The following DGKI variants were observed in gnomAD, a reference collection of about 807,000 sequenced individuals.
DGKI encodes diacylglycerol kinase iota.
DGKI carries 55 observed loss-of-function variants against 147.5 expected under a neutral mutation model. That is an observed-to-expected ratio of 0.37 (90% confidence interval 0.30 to 0.47). DGKI has a LOEUF of 0.47. DGKI is among the 20% of genes least tolerant of loss of function. The pLI, the probability that DGKI is intolerant of heterozygous loss-of-function variation, is 1.00. For missense variants in DGKI, 1,007 were observed against 1,323.8 expected, an observed-to-expected ratio of 0.76 and a Z score of 3.71; for synonymous variants, 469 against 477.1, an observed-to-expected ratio of 0.98 and a Z score of 0.22.
At chr7:137,550,874 T>C (rs1212472432) in intron 20 of DGKI, among the ~76,000 whole-genome samples, 2 of 152,230 alleles carry the variant, frequency 1.3e-5, no homozygotes, top group African/African-American at 2.4e-5. Context: ...TTTCACTTAG[T>C]AGTTCATAGA....
chr7:137,649,582 A>G (rs1408992211), intron 5 of DGKI, among the ~76,000 whole-genome samples: 3 of 152,042 alleles, frequency 2.0e-5, no homozygotes, highest in Non-Finnish European at 4.4e-5. Flanking sequence ...AAAATACACA[A>G]TACAATTGCT....
At chr7:137,410,469 CAG>C (rs1401161049) in intron 29 of DGKI, among the ~76,000 whole-genome samples, 1 of 152,138 alleles carries the variant, frequency 6.6e-6, no homozygotes, top group Non-Finnish European at 1.5e-5. Context: ...AGAATTATAA[CAG>C]AGAATGCATT....
chr7:137,463,799 A>G (rs1342348181), intron 26 of DGKI, among the ~76,000 whole-genome samples, 188 bp from the exon 27 acceptor site: 1 of 152,210 alleles, frequency 6.6e-6, no homozygotes, highest in Non-Finnish European at 1.5e-5. Flanking sequence ...TATTTGTATG[A>G]TTCTGTCCCC....
chr7:137,719,564 G>C (rs1794484321), intron 1 of DGKI, among the ~76,000 whole-genome samples: 1 of 152,074 alleles, frequency 6.6e-6, no homozygotes, highest in African/African-American at 2.4e-5. Flanking sequence ...TGGTTGGGAA[G>C]GCAGTGTCAC....
chr7:137,699,761 C>T (rs527337163), intron 1 of DGKI, among the ~76,000 whole-genome samples: 2 of 152,244 alleles, frequency 1.3e-5, no homozygotes, highest in East Asian at 3.9e-4. Context: ...CTCCCCATTT[C>T]GATGCTAGCA....
intron 21 of DGKI, chr7:137,513,943 A>C: frequency 1.2e-6 from 1 of 814,740 alleles, no homozygotes; most frequent in Non-Finnish European, 2.0e-6. Flanking sequence ...GTAAACCGCT[A>C]GCTTGTTGCA....
intron 12 of DGKI, among the ~76,000 whole-genome samples, chr7:137,593,248 T>G (rs1366715172): frequency 6.6e-6 from 1 of 152,086 alleles, no homozygotes; most frequent in Middle Eastern, 3.2e-3. Context: ...GGACCATGGG[T>G]CACACACCTT....
In DGKI at chr7:137,629,283, T is replaced by G. The variant is rs963442555; in HGVS notation, c.805-5729A>C. 3.7e-4 allele frequency among the ~76,000 whole-genome samples: 57 copies of G among 152,218 alleles called. 1 individual carries two copies. Among genetic ancestry groups the G allele is most frequent in the Admixed American group, 3.7e-3 (56 of 15,280 alleles). On this transcript the variant is annotated intron_variant, in intron 6 of 32. Coordinates refer to ENST00000614521, the MANE Select transcript of DGKI (RefSeq NM_001321708.2). ...TCATCTCTAAAATGTTTATCATACA[T>G]TTAATTAATGGCAAAGTTAAGTTTC...
At chr7:137,515,642 TTAAA>T (rs1373409419) in intron 21 of DGKI, among the ~76,000 whole-genome samples, 3 of 152,122 alleles carry the variant, frequency 2.0e-5, no homozygotes, top group African/African-American at 7.2e-5. Flanking sequence ...AACACAGTGA[TTAAA>T]TAAGTATTCA....
At chr7:137,780,246 G>A (rs1261485717) in intron 1 of DGKI, among the ~76,000 whole-genome samples, 1 of 152,134 alleles carries the variant, frequency 6.6e-6, no homozygotes, top group Non-Finnish European at 1.5e-5. Flanking sequence ...CATTTCTTAA[G>A]ACTAAAGATA....
intron 30 of DGKI, among the ~76,000 whole-genome samples, chr7:137,407,151 T>A (rs1031767708): frequency 6.6e-6 from 1 of 152,234 alleles, no homozygotes; most frequent in African/African-American, 2.4e-5. Flanking sequence ...TTCCCCTTTA[T>A]TCCTGTTCTT....
chr7:137,672,059 T>C (rs1822858838), intron 3 of DGKI, among the ~76,000 whole-genome samples: 1 of 152,202 alleles, frequency 6.6e-6, no homozygotes, highest in Admixed American at 6.5e-5. Context: ...CCTCACCATC[T>C]ACCTACTCTG....
At chr7:137,485,698 G>A (rs1263336796) in intron 22 of DGKI, among the ~76,000 whole-genome samples, 1 of 152,088 alleles carries the variant, frequency 6.6e-6, no homozygotes, top group East Asian at 1.9e-4. Flanking sequence ...CTCCTATAGA[G>A]GAGACCAGAA....
At chr7:137,424,854 C>T (rs1812725437) in intron 28 of DGKI, among the ~76,000 whole-genome samples, 1 of 152,196 alleles carries the variant, frequency 6.6e-6, no homozygotes, top group Non-Finnish European at 1.5e-5. Flanking sequence ...CCGCCATTGC[C>T]CAGGCTTGCT....
intron 7 of DGKI, among the ~76,000 whole-genome samples, chr7:137,622,167 T>A (rs1005945808): frequency 3.3e-5 from 5 of 152,136 alleles, no homozygotes; most frequent in African/African-American, 1.2e-4. Flanking sequence ...CTCTATCTAG[T>A]GACAGCAGGT....
At chr7:137,478,113 C>T (rs1305084418) in intron 23 of DGKI, among the ~76,000 whole-genome samples, 2 of 152,114 alleles carry the variant, frequency 1.3e-5, no homozygotes, top group Non-Finnish European at 2.9e-5. Flanking sequence ...GAATTACGTA[C>T]AATATCAAAA....
chr7:137,502,260 G>A (rs930723792), intron 21 of DGKI, among the ~76,000 whole-genome samples: 2 of 152,138 alleles, frequency 1.3e-5, no homozygotes, highest in Non-Finnish European at 2.9e-5. Context: ...TTTCTTACGT[G>A]AGTGAATCAT....
intron 8 of DGKI, among the ~76,000 whole-genome samples, chr7:137,612,313 T>G (rs562218715): frequency 6.7e-6 from 1 of 148,696 alleles, no homozygotes; most frequent in Non-Finnish European, 1.5e-5. Context: ...CCTTCTTCAC[T>G]TCACAGAACA....
intron 12 of DGKI, among the ~76,000 whole-genome samples, chr7:137,594,176 A>G (rs1440882177): frequency 2.0e-5 from 3 of 152,130 alleles, no homozygotes; most frequent in Non-Finnish European, 2.9e-5. Context: ...CCTCCCAAGT[A>G]GCTGGGATTA....
Sources: allele counts gnomAD v4.1 joint callset (sites outside exome capture counted in the v4.1 genomes callset), GRCh38; gene constraint gnomAD v4.1.1; transcripts MANE v1.5; gene names NCBI Gene and HGNC (gene_info 2026-07-23, HGNC 2026-07-21).